JMJD1C: variants seen among roughly 807,000 people sequenced by gnomAD.
The protein encoded by JMJD1C is jumonji domain-containing protein 1C.
Under a neutral mutation model 245.3 loss-of-function variants are expected in JMJD1C, and 31 were observed. The ratio of observed to expected loss-of-function variants is 0.13; its 90% CI spans 0.09 to 0.17. The LOEUF is 0.17. Ranked by LOEUF, JMJD1C falls within the 10% of genes least tolerant of loss-of-function variation. The probability of loss-of-function intolerance (pLI) is 1.00; values close to 1 mark genes in which losing one functional copy is unlikely to be tolerated. For synonymous variants in JMJD1C, 1,057 were observed against 1,017.4 expected (o/e 1.04, Z -0.74); for missense variants, 2,691 against 3,000.2 (o/e 0.90, Z 2.41).
At chr10:63,500,726 T>TGGATGGATGGATGGATGGAA (rs1954521452) in intron 1 of JMJD1C, among the ~76,000 whole-genome samples, 1 of 144,026 alleles carries the variant, frequency 6.9e-6, no homozygotes, top group African/African-American at 2.7e-5. Flanking sequence ...ACTGTCTCGA[T>TGGATGGATGGATGGATGGAA]GGATGGATGG....
intron 1 of JMJD1C, among the ~76,000 whole-genome samples, chr10:63,498,046 CA>C (rs968357127): frequency 2.6e-5 from 4 of 152,104 alleles, no homozygotes; most frequent in Non-Finnish European, 5.9e-5. Context: ...AGATACCTAT[CA>C]AAGAGTGATA....
At chr10:63,249,109 A>G (rs1246562753) in intron 3 of JMJD1C, among the ~76,000 whole-genome samples, 1 of 152,168 alleles carries the variant, frequency 6.6e-6, no homozygotes, top group Non-Finnish European at 1.5e-5. Flanking sequence ...TGAGGTCAGG[A>G]GTTCAAGACC....
At chr10:63,427,490 G>A in intron 1 of JMJD1C, 1 of 1,274,288 alleles carries the variant, frequency 7.8e-7, no homozygotes, top group South Asian at 1.2e-5. Flanking sequence ...ATGTCCCACT[G>A]GGCCAAGCAA....
At chr10:63,474,824 T>C (rs1429884936) in intron 1 of JMJD1C, among the ~76,000 whole-genome samples, 2 of 151,394 alleles carry the variant, frequency 1.3e-5, no homozygotes, top group Non-Finnish European at 2.9e-5. Context: ...AGTTCCAAAT[T>C]ATGTAGTCCA....
chr10:63,227,659 T>C (rs1273911415), intron 3 of JMJD1C, among the ~76,000 whole-genome samples: 1 of 152,238 alleles, frequency 6.6e-6, no homozygotes, highest in African/African-American at 2.4e-5. Flanking sequence ...TGTGCTTTCT[T>C]AAATTCCATT....
intron 1 of JMJD1C, among the ~76,000 whole-genome samples, chr10:63,506,925 C>T (rs559470883): frequency 1.4e-5 from 2 of 143,262 alleles, no homozygotes; most frequent in Non-Finnish European, 2.9e-5. Flanking sequence ...TGATTATTCA[C>T]CCCTCTCTCC....
At chr10:63,351,013 T>C (rs927552274) in intron 2 of JMJD1C, among the ~76,000 whole-genome samples, 1 of 152,034 alleles carries the variant, frequency 6.6e-6, no homozygotes, top group Non-Finnish European at 1.5e-5. Flanking sequence ...CATCTATATA[T>C]ATTACATTAA....
chr10:63,444,489 G>A (rs1294692195), intron 1 of JMJD1C, among the ~76,000 whole-genome samples: 1 of 152,084 alleles, frequency 6.6e-6, no homozygotes. Flanking sequence ...GGCCAGGCTG[G>A]TCCTGAACTC....
intron 2 of JMJD1C, among the ~76,000 whole-genome samples, chr10:63,321,959 C>T (rs767100129): frequency 6.6e-6 from 1 of 152,172 alleles, no homozygotes; most frequent in African/African-American, 2.4e-5. Flanking sequence ...TCCCTTCTAA[C>T]TGCTGAAGCT....
chr10:63,305,683 T>TGTGTGTGTGTGTGTGTG (rs71025152), intron 2 of JMJD1C, among the ~76,000 whole-genome samples: 101 of 146,440 alleles, frequency 6.9e-4, no homozygotes, highest in Non-Finnish European at 1.1e-3. Flanking sequence ...TGTGTGTGTG[T>TGTGTGTGTGTGTGTGTG]TGAAAGATCT....
At chr10:63,465,462 G>A (rs1490209276) in intron 1 of JMJD1C, 33 bp downstream of exon 1, 4 of 1,559,314 alleles carry the variant, frequency 2.6e-6, no homozygotes, top group South Asian at 1.2e-5. Context: ...GTGCGGGCGC[G>A]GCAGGGGAAA....
At chr10:63,171,907 G>A (rs1014451367) in intron 24 of JMJD1C, among the ~76,000 whole-genome samples, 1 of 152,112 alleles carries the variant, frequency 6.6e-6, no homozygotes, top group Non-Finnish European at 1.5e-5. Context: ...TCAAATCCAG[G>A]TTAATATTGT....
chr10:63,518,079 C>T (rs1955079835), intron 1 of JMJD1C, among the ~76,000 whole-genome samples: 1 of 152,194 alleles, frequency 6.6e-6, no homozygotes, highest in East Asian at 1.9e-4. Flanking sequence ...AGGCATGAGC[C>T]ACCGCACCCA....
At chr10:63,168,708 A>G in intron 24 of JMJD1C, 142 bp from the exon 25 acceptor site, 1 of 626,116 alleles carries the variant, frequency 1.6e-6, no homozygotes, top group South Asian at 3.8e-5. Flanking sequence ...ATTTTAAAGC[A>G]GAAGACCACA....
At chr10:63,295,623 G>A (rs1859286482) in intron 2 of JMJD1C, among the ~76,000 whole-genome samples, 1 of 151,998 alleles carries the variant, frequency 6.6e-6, no homozygotes, top group Non-Finnish European at 1.5e-5. Flanking sequence ...ACAGAAAAAG[G>A]TACAATTTAT....
intron 1 of JMJD1C, among the ~76,000 whole-genome samples, chr10:63,514,841 C>CA (rs1407574734): frequency 6.6e-6 from 1 of 152,086 alleles, no homozygotes; most frequent in East Asian, 1.9e-4. Flanking sequence ...ACATTCCTGC[C>CA]ATATTTAGCT....
chr10:63,288,344 G>T (rs1858222088), intron 2 of JMJD1C, among the ~76,000 whole-genome samples: 1 of 151,898 alleles, frequency 6.6e-6, no homozygotes, highest in African/African-American at 2.4e-5. Flanking sequence ...TTTAGCAGTG[G>T]GTAATATTTC....
At chr10:63,216,525 A>G (rs184599041) in intron 5 of JMJD1C, among the ~76,000 whole-genome samples, 84 of 152,080 alleles carry the variant, frequency 5.5e-4, no homozygotes, top group African/African-American at 2.0e-3. Flanking sequence ...CCTGGCTAAC[A>G]TGGCGAAACC....
intron 1 of JMJD1C, among the ~76,000 whole-genome samples, chr10:63,398,046 G>C (rs1452180513): frequency 6.6e-6 from 1 of 152,092 alleles, no homozygotes; most frequent in Non-Finnish European, 1.5e-5. Flanking sequence ...TCATCATCCA[G>C]CTTCAACAAT....
Sources: allele counts gnomAD v4.1 joint callset (sites outside exome capture counted in the v4.1 genomes callset), GRCh38; gene constraint gnomAD v4.1.1; transcripts MANE v1.5; gene names NCBI Gene and HGNC (gene_info 2026-07-23, HGNC 2026-07-21).